UBE2D4: variants seen among roughly 807,000 people sequenced by gnomAD.
UBE2D4 encodes ubiquitin-conjugating enzyme E2 D4.
Under a neutral mutation model 23.0 loss-of-function variants are expected in UBE2D4, and 17 were observed. The ratio of observed to expected loss-of-function variants is 0.74; its 90% CI spans 0.51 to 1.11. The LOEUF (loss-of-function observed/expected upper bound fraction) is 1.11, where lower values mean the gene tolerates loss of function less well. Ranked by LOEUF, UBE2D4 falls within the 50% of genes least tolerant of loss-of-function variation. The probability of loss-of-function intolerance (pLI) is 0.00; values close to 1 mark genes in which losing one functional copy is unlikely to be tolerated. For missense variants in UBE2D4, 139 were observed against 181.8 expected (o/e 0.76, Z 1.35); for synonymous variants, 61 against 69.4 (o/e 0.88, Z 0.60).
At chr7:43,952,044 T>C (rs1431716688) in intron 6 of UBE2D4, 2 of 152,230 alleles carry the variant, frequency 1.3e-5, no homozygotes, top group Non-Finnish European at 2.9e-5. Flanking sequence ...CAAGTGTCAT[T>C]ACAATGATGA....
At chr7:43,926,813 G>A (rs1391792817) in intron 1 of UBE2D4, among the ~76,000 whole-genome samples, 2 of 152,264 alleles carry the variant, frequency 1.3e-5, no homozygotes, top group Non-Finnish European at 2.9e-5. Context: ...GGGGCCACCT[G>A]CAGGCTTCTG....
At chr7:43,949,891 G>A (rs2095997862) in intron 5 of UBE2D4, among the ~76,000 whole-genome samples, 1 of 151,958 alleles carries the variant, frequency 6.6e-6, no homozygotes, top group African/African-American at 2.4e-5. Flanking sequence ...TTTTGCTCTT[G>A]TTGCCCAGGG....
rs190800220 is a variant in UBE2D4, at chr7:43,945,931, T to C, written c.199-2701T>C. ...CCAAGTAGCTGGGATTACAGGCATG[T>C]GCCACATGCCCGGCTAATTTTTTTG... On this transcript the variant is annotated intron_variant, in intron 4 of 6. Coordinates refer to ENST00000222402, the MANE Select transcript of UBE2D4 (RefSeq NM_015983.4). Among the ~76,000 whole-genome samples the C allele has an allele frequency of 2.1e-3, 321 of 152,052 alleles. 3 individuals carry two copies. The highest frequency in any genetic ancestry group is 7.3e-3 in the African/African-American group (301 of 41,494).
intron 1 of UBE2D4, among the ~76,000 whole-genome samples, chr7:43,929,196 G>T (rs1232522633): frequency 6.6e-6 from 1 of 152,106 alleles, no homozygotes; most frequent in Non-Finnish European, 1.5e-5. Context: ...AGGCCAAGGC[G>T]GGTGTATCAT....
intron 1 of UBE2D4, among the ~76,000 whole-genome samples, chr7:43,929,066 T>TA (rs2095939808): frequency 6.6e-6 from 1 of 151,728 alleles, no homozygotes; most frequent in African/African-American, 2.4e-5. Flanking sequence ...CCGAGGCAGG[T>TA]GGATTGCTTG....
rs1460038686 is a variant in UBE2D4, at chr7:43,944,524, T to C, written c.198+1493T>C. On this transcript the variant is annotated intron_variant, in intron 4 of 6. Coordinates refer to ENST00000222402, the MANE Select transcript of UBE2D4 (RefSeq NM_015983.4). This position sits in a 1 kb window ranked among gnomAD's most constrained non-coding sequence, Gnocchi z 4.0. ...TTTGCATGTTGTTTATCTGAGTCAA[T>C]GTGAAGAAGCCCCTTCTGTGCTCAC... The C allele has an allele frequency of 6.6e-6, 1 of 152,242 alleles. No individual in the cohort carries two copies. The highest frequency in any genetic ancestry group is 1.5e-5 in the Non-Finnish European group (1 of 68,058). 9.4% of individuals were successfully genotyped at this position (152,242 alleles called of 1,614,324 possible).
chr7:43,951,140 G>A (rs1162297128), intron 6 of UBE2D4, among the ~76,000 whole-genome samples: 2 of 152,236 alleles, frequency 1.3e-5, no homozygotes, highest in African/African-American at 2.4e-5. Context: ...AAACACTGCT[G>A]TGGTCAGTTC....
In UBE2D4 at chr7:43,926,561, G is replaced by T; in HGVS notation, c.24+5G>T. 1.9e-6 allele frequency: 3 copies of T among 1,569,894 alleles called. No homozygotes were observed. The highest frequency in any genetic ancestry group is 2.6e-6 in the Non-Finnish European group (3 of 1,161,176). On this transcript the variant is annotated splice_donor_5th_base_variant and intron_variant, in intron 1 of 6. Transcript: ENST00000222402. Reference sequence around the variant, plus strand: ...GCGCTAAAGCGGATCCAGAAGGTACGCACTTTCCCACCCTCCAACTCTTTG... The same window carrying T: ...GCGCTAAAGCGGATCCAGAAGGTACTCACTTTCCCACCCTCCAACTCTTTG...
intron 1 of UBE2D4, among the ~76,000 whole-genome samples, 177 bp downstream of exon 1, chr7:43,926,733 G>A (rs1291364038): frequency 2.6e-5 from 4 of 152,202 alleles, no homozygotes; most frequent in African/African-American, 9.6e-5. Flanking sequence ...GCCTGAGAAA[G>A]GGATTGCGCG....
chr7:43,942,533 G>A, intron 2 of UBE2D4: 1 of 561,798 alleles, frequency 1.8e-6, no homozygotes, highest in South Asian at 2.1e-5. Flanking sequence ...AACACATCCT[G>A]ACTCCACGGA....
intron 4 of UBE2D4, among the ~76,000 whole-genome samples, chr7:43,948,266 G>C (rs181427056): frequency 2.6e-4 from 40 of 152,226 alleles, no homozygotes; most frequent in Non-Finnish European, 5.3e-4. Context: ...AAGTCTTTGG[G>C]CCTGAGCTTT....
intron 1 of UBE2D4, among the ~76,000 whole-genome samples, chr7:43,932,030 C>T (rs1341979610): frequency 6.7e-6 from 1 of 149,004 alleles, no homozygotes; most frequent in Non-Finnish European, 1.5e-5. Context: ...GCTCTGTCGC[C>T]CAGGCTGGAG....
intron 6 of UBE2D4, 102 bp downstream of exon 6, chr7:43,950,794 A>G (rs1404653524): frequency 4.9e-5 from 46 of 940,928 alleles, no homozygotes; most frequent in Non-Finnish European, 3.7e-5. Flanking sequence ...AGGTTCCCAC[A>G]GACATCTTCC....
At chr7:43,926,616 G>A in intron 1 of UBE2D4, 60 bp downstream of exon 1, 1 of 1,509,578 alleles carries the variant, frequency 6.6e-7, no homozygotes, top group Non-Finnish European at 8.9e-7. Flanking sequence ...TGTGGGCGGG[G>A]CGCCGCTGCC....
intron 2 of UBE2D4, chr7:43,941,293 A>G (rs564648446): frequency 1.3e-5 from 2 of 152,316 alleles, no homozygotes; most frequent in South Asian, 2.1e-4. Context: ...CCTAGAGTCA[A>G]TATCCCTGGG....
At chr7:43,941,704 G>A (rs2095973039) in intron 2 of UBE2D4, 1 of 152,244 alleles carries the variant, frequency 6.6e-6, no homozygotes, top group African/African-American at 2.4e-5. Context: ...GAGCAATAAG[G>A]AAAATGGCTG....
At chr7:43,926,660 G>C (rs1260586896) in intron 1 of UBE2D4, 104 bp downstream of exon 1, 1 of 1,271,324 alleles carries the variant, frequency 7.9e-7, no homozygotes, top group Admixed American at 3.0e-5. Context: ...TCCGCGAGTC[G>C]CGGATACACC....
chr7:43,940,749 A>G (rs1295116485), intron 2 of UBE2D4: 1 of 152,266 alleles, frequency 6.6e-6, no homozygotes, highest in East Asian at 1.9e-4. Flanking sequence ...GAACAAGACC[A>G]GAGGATTCTA....
At position 43,941,929 on chromosome 7, in the gene UBE2D4, T is replaced by G. The variant is rs1484605909; in HGVS notation, c.89-897T>G. On this transcript the variant is annotated intron_variant, in intron 2 of 6. Transcript: ENST00000222402. ...AACAATAACAACAAAAAGAATTTAA[T>G]CTTGTCCCCAAAAGATCTGGCCTTC... 2.5e-4 allele frequency: 38 copies of G among 152,064 alleles called. 1 individual carries two copies. Among genetic ancestry groups the G allele is most frequent in the Admixed American group, 2.5e-3 (38 of 15,266 alleles). The allele number at this position is 152,064 out of a possible 1,614,324, so 9.4% of individuals were successfully genotyped here. A position where few individuals can be genotyped will look rare whatever the true frequency, so the allele number is the denominator to read the frequency against.
Sources: allele counts gnomAD v4.1 joint callset (sites outside exome capture counted in the v4.1 genomes callset), GRCh38; gene constraint gnomAD v4.1.1; non-coding constraint Gnocchi (gnomAD v3.1); transcripts MANE v1.5; gene names NCBI Gene and HGNC (gene_info 2026-07-23, HGNC 2026-07-21).